The following FHIT variants were observed in gnomAD, a reference collection of about 807,000 sequenced individuals.
FHIT encodes fragile histidine triad diadenosine triphosphatase.
A neutral mutation model predicts 17.9 loss-of-function variants in FHIT; 19 were observed. The ratio of observed to expected loss-of-function variants is 1.06; its 90% confidence interval spans 0.74 to 1.56. FHIT has a LOEUF of 1.56. Ranked by LOEUF, FHIT falls within the 40% of genes most tolerant of loss-of-function variation. The probability of loss-of-function intolerance (pLI) is 0.00; values close to 1 mark genes in which losing one functional copy is unlikely to be tolerated. For synonymous variants in FHIT, 81 were observed against 69.7 expected (o/e 1.16, Z -0.81); for missense variants, 248 against 189.2 (o/e 1.31, Z -1.82).
At chr3:60,371,707 A>AC in intron 5 of FHIT, among the ~76,000 whole-genome samples, 1 of 152,236 alleles carries the variant, frequency 6.6e-6, no homozygotes, top group Admixed American at 6.6e-5. Flanking sequence ...TTTAAAAAAT[A>AC]CCCCCAGATA....
At chr3:60,469,628 C>T (rs544856378) in intron 5 of FHIT, among the ~76,000 whole-genome samples, 1 of 151,904 alleles carries the variant, frequency 6.6e-6, no homozygotes. Context: ...GCTCACATAT[C>T]TCTCTCTCTC....
intron 4 of FHIT, among the ~76,000 whole-genome samples, chr3:60,660,971 T>C (rs907954621): frequency 4.6e-5 from 7 of 152,034 alleles, no homozygotes; most frequent in Admixed American, 3.3e-4. Flanking sequence ...GTTTTAATGT[T>C]GATGAAGTTG....
At chr3:61,137,326 G>T (rs951635024) in intron 2 of FHIT, among the ~76,000 whole-genome samples, 14 of 124,092 alleles carry the variant, frequency 1.1e-4, no homozygotes, top group Non-Finnish European at 1.1e-4. Context: ...CCTTGTTTCC[G>T]TCCCTTCTTC....
chr3:61,214,768 G>A (rs2039615780), intron 1 of FHIT, among the ~76,000 whole-genome samples: 1 of 152,148 alleles, frequency 6.6e-6, no homozygotes, highest in African/African-American at 2.4e-5. Context: ...ATAAAATACT[G>A]GCAAACCGAA....
At chr3:60,750,982 A>C (rs2042454706) in intron 4 of FHIT, among the ~76,000 whole-genome samples, 1 of 152,148 alleles carries the variant, frequency 6.6e-6, no homozygotes, top group South Asian at 2.1e-4. Context: ...TGCAACTCCC[A>C]CGTGGACCTG....
At chr3:60,743,124 C>T (rs1381133894) in intron 4 of FHIT, among the ~76,000 whole-genome samples, 1 of 152,150 alleles carries the variant, frequency 6.6e-6, no homozygotes, top group Non-Finnish European at 1.5e-5. Context: ...CACAGTGCTG[C>T]TTGAATCAGA....
At chr3:60,164,772 T>C (rs1048666564) in intron 5 of FHIT, among the ~76,000 whole-genome samples, 4 of 152,272 alleles carry the variant, frequency 2.6e-5, no homozygotes, top group Admixed American at 6.5e-5. Context: ...TAGTTTGGGA[T>C]AGTTCAATCT....
chr3:60,300,807 CT>C (rs1484070628), intron 5 of FHIT, among the ~76,000 whole-genome samples: 6 of 152,198 alleles, frequency 3.9e-5, no homozygotes, highest in Non-Finnish European at 7.4e-5. Flanking sequence ...CTGACTCCCC[CT>C]ATTCCCCACC....
chr3:60,125,632 G>C (rs1378441833), intron 5 of FHIT, among the ~76,000 whole-genome samples: 2 of 144,324 alleles, frequency 1.4e-5, no homozygotes, highest in African/African-American at 5.2e-5. Flanking sequence ...AAAAAAAAAA[G>C]TGTATATATA....
intron 3 of FHIT, among the ~76,000 whole-genome samples, chr3:60,967,156 C>T (rs1235429836): frequency 6.6e-6 from 1 of 152,186 alleles, no homozygotes; most frequent in Non-Finnish European, 1.5e-5. Flanking sequence ...ACCTCCTCAG[C>T]CATTTTTCAT....
At chr3:59,975,393 C>T (rs1296677139) in intron 7 of FHIT, among the ~76,000 whole-genome samples, 2 of 152,050 alleles carry the variant, frequency 1.3e-5, no homozygotes, top group Admixed American at 6.6e-5. Context: ...CATAAAAGGG[C>T]TACTATGAAA....
intron 8 of FHIT, among the ~76,000 whole-genome samples, chr3:59,915,655 C>A (rs1003358486): frequency 6.6e-6 from 1 of 152,200 alleles, no homozygotes; most frequent in Non-Finnish European, 1.5e-5. Flanking sequence ...CAGCTCTAGC[C>A]TGGGCTGGGC....
At chr3:60,704,461 C>T (rs9866066) in intron 4 of FHIT, among the ~76,000 whole-genome samples, 6,767 of 152,238 alleles carry the variant, frequency 0.044, 527 homozygotes, top group African/African-American at 0.15. Context: ...ACTTCACAAA[C>T]ATATTCTTTT....
intron 5 of FHIT, among the ~76,000 whole-genome samples, chr3:60,330,010 A>C (rs928991430): frequency 1.3e-5 from 2 of 152,230 alleles, no homozygotes; most frequent in Non-Finnish European, 2.9e-5. Flanking sequence ...ATGTTCAAAT[A>C]ATAACTTATA....
At chr3:60,646,287 A>G in intron 4 of FHIT, among the ~76,000 whole-genome samples, 1 of 152,218 alleles carries the variant, frequency 6.6e-6, no homozygotes, top group South Asian at 2.1e-4. Context: ...ACTTATATAT[A>G]TATACATTTA....
intron 4 of FHIT, among the ~76,000 whole-genome samples, chr3:60,572,927 T>A (rs1345616960): frequency 6.6e-6 from 1 of 152,206 alleles, no homozygotes; most frequent in African/African-American, 2.4e-5. Context: ...ATGCTCAACA[T>A]ACAGCATTTC....
intron 3 of FHIT, among the ~76,000 whole-genome samples, chr3:60,955,625 TATATATATACACACAC>T (rs1709108319): frequency 2.0e-5 from 1 of 49,538 alleles, no homozygotes; most frequent in African/African-American, 7.3e-5. Context: ...TATATATATA[TATATATATACACACAC>T]ACACATATAT....
At chr3:60,632,156 C>A (rs1188362646) in intron 4 of FHIT, among the ~76,000 whole-genome samples, 1 of 151,768 alleles carries the variant, frequency 6.6e-6, no homozygotes, top group Non-Finnish European at 1.5e-5. Context: ...ATCATGAAGA[C>A]AGCCACAGAC....
At position 60,159,593 on chromosome 3, in the gene FHIT, G is replaced by A. The variant is rs12638728; in HGVS notation, c.104-145441C>T. ...CTTAGCAATCTACCTTTTTAGTACA[G>A]TAATAGTAACACTCAATGCTTTTTA... On this transcript the variant is annotated intron_variant, in intron 5 of 9. Transcript: ENST00000492590. Among the ~76,000 whole-genome samples the A allele has an allele frequency of 5.3e-4, 80 of 152,206 alleles. 1 individual carries two copies. Among genetic ancestry groups the A allele is most frequent in the Non-Finnish European group, 9.4e-4 (64 of 68,008 alleles).
Sources: allele counts gnomAD v4.1 joint callset (sites outside exome capture counted in the v4.1 genomes callset), GRCh38; gene constraint gnomAD v4.1.1; transcripts MANE v1.5; gene names NCBI Gene and HGNC (gene_info 2026-07-23, HGNC 2026-07-21).